The following CNIH4 variants were observed in gnomAD, a reference collection of about 807,000 sequenced individuals.
CNIH4 encodes protein cornichon homolog 4.
In CNIH4, 9 loss-of-function variants were observed where a neutral mutation model predicts 21.5. The ratio of observed to expected loss-of-function variants is 0.42; its 90% CI spans 0.25 to 0.73. The LOEUF is 0.73. Among genes scored for constraint, CNIH4 ranks in the 30% least tolerant of loss-of-function variants. The pLI is 0.27. For synonymous variants in CNIH4, 67 were observed against 59.1 expected, an observed-to-expected ratio of 1.13 and a Z score of -0.61; for missense variants, 159 against 170.0, an observed-to-expected ratio of 0.94 and a Z score of 0.36.
chr1:224,376,088 T>C lies in CNIH4; in HGVS notation c.*266T>C, dbSNP rs1038744978. On this transcript the variant is annotated 3_prime_UTR_variant, in exon 5 of 5. Coordinates refer to ENST00000465271, the MANE Select transcript of CNIH4 (RefSeq NM_014184.4). ...TCTGTATGTTGAAGGTGGTTATTTG[T>C]ATGTAGGAACAGGACTGCCATCCCA... The C allele has an allele frequency of 1.7e-5, 20 of 1,176,592 alleles. No individual in the cohort carries two copies. The highest frequency in any genetic ancestry group is 1.9e-5 in the Non-Finnish European group (18 of 950,330). 72.9% of individuals were successfully genotyped at this position (1,176,592 alleles called of 1,614,324 possible).
chr1:224,365,961 A>G lies in CNIH4; in HGVS notation c.221A>G (p.Asn74Ser), dbSNP rs1324936188. The G allele has an allele frequency of 3.1e-6, 5 of 1,608,916 alleles. No individual in the cohort carries two copies. The highest frequency in any genetic ancestry group is 2.2e-5 in the South Asian group (2 of 90,976). The change falls in exon 3 of 5, where the codon AAC becomes AGC. Residue 74 changes from asparagine to serine, a missense_variant. Transcript: ENST00000465271. ...TTGCACTGGTTCATCTTCCTTCTCA[A>G]CTTACCTGTTGCCACTTGGAATATA... ...MSLHWFIFLLNLPVATWNIYR... is the reference protein window; with the variant it reads ...MSLHWFIFLLSLPVATWNIYR...
Position 224,356,922 on chromosome 1 carries a change from A to T in CNIH4, c.-3A>T, listed in dbSNP as rs771248464. 3 of 1,607,836 alleles carry T rather than the reference A, an allele frequency of 1.9e-6. No homozygotes were observed. Among genetic ancestry groups the T allele is most frequent in the Non-Finnish European group, 2.5e-6 (3 of 1,177,100 alleles). On this transcript the variant is annotated 5_prime_UTR_variant, in exon 1 of 5. Coordinates refer to ENST00000465271, the MANE Select transcript of CNIH4 (RefSeq NM_014184.4). ...GAAGGAGCGGCGGCGACGGAGGAGG[A>T]GGATGGAGGCGGTGGTGTTCGTCTT...
intron 1 of CNIH4, among the ~76,000 whole-genome samples, chr1:224,359,034 G>A (rs1263913678): frequency 6.6e-6 from 1 of 152,202 alleles, no homozygotes; most frequent in Non-Finnish European, 1.5e-5. Context: ...TCAGACACTG[G>A]CAAGAGCGAA....
At chr1:224,364,434 T>A in intron 2 of CNIH4, 1 of 941,018 alleles carries the variant, frequency 1.1e-6, no homozygotes, top group Non-Finnish European at 1.3e-6. Flanking sequence ...TTTCATCTAA[T>A]TCTCTACAAC....
intron 2 of CNIH4, chr1:224,364,379 C>T (rs1237034441): frequency 2.0e-6 from 2 of 985,284 alleles, no homozygotes; most frequent in Non-Finnish European, 2.4e-6. Flanking sequence ...ATAACATCAG[C>T]TGACATTTTA....
chr1:224,368,330 C>CA (rs1195908942), intron 3 of CNIH4, among the ~76,000 whole-genome samples: 1 of 151,746 alleles, frequency 6.6e-6, no homozygotes, highest in Non-Finnish European at 1.5e-5. Flanking sequence ...GACCCAGCCT[C>CA]AAAAAAACAA....
Position 224,379,307 on chromosome 1 carries a change from T to A in CNIH4, c.*3485T>A. 1 of 580,314 alleles carries A rather than the reference T, an allele frequency of 1.7e-6. No individual in the cohort carries two copies. Among genetic ancestry groups the A allele is most frequent in the Non-Finnish European group, 3.1e-6 (1 of 323,714 alleles). The allele number at this position is 580,314 out of a possible 1,614,324, so 35.9% of individuals were successfully genotyped here. A position where few individuals can be genotyped will look rare whatever the true frequency, so the allele number is the denominator to read the frequency against. The stretch of plus-strand genomic sequence containing the variant: ...ACATTCTATCTGGTATTACAGTTAT[T>A]TGTATGCAATTAATCACTCTTAGAT... On this transcript the variant is annotated 3_prime_UTR_variant, in exon 5 of 5. Coordinates refer to ENST00000465271, the MANE Select transcript of CNIH4 (RefSeq NM_014184.4).
At chr1:224,357,630 GTTGT>G (rs1338044540) in intron 1 of CNIH4, 3 of 152,228 alleles carry the variant, frequency 2.0e-5, no homozygotes, top group African/African-American at 7.2e-5. Context: ...TTGGAAAGGA[GTTGT>G]TTTAACAACT....
intron 4 of CNIH4, among the ~76,000 whole-genome samples, chr1:224,373,327 C>A (rs1428704584): frequency 6.6e-6 from 1 of 152,094 alleles, no homozygotes; most frequent in East Asian, 1.9e-4. Flanking sequence ...TAAGGTTATC[C>A]TTTCTTCATC....
intron 2 of CNIH4, among the ~76,000 whole-genome samples, chr1:224,361,613 C>T (rs1268026083): frequency 6.6e-6 from 1 of 152,068 alleles, no homozygotes; most frequent in Non-Finnish European, 1.5e-5. Flanking sequence ...GGCAGAGTCT[C>T]ACTCTGTTGC....
chr1:224,364,066 A>C, intron 2 of CNIH4: 1 of 985,400 alleles, frequency 1.0e-6, no homozygotes, highest in Non-Finnish European at 1.2e-6. Context: ...TCAGTAAACC[A>C]AGCATAATAA....
chr1:224,373,119 C>T (rs1024534588), intron 4 of CNIH4, among the ~76,000 whole-genome samples: 1 of 152,158 alleles, frequency 6.6e-6, no homozygotes, highest in Non-Finnish European at 1.5e-5. Flanking sequence ...TTCTGATTCT[C>T]ATACCCTACC....
intron 4 of CNIH4, 137 bp downstream of exon 4, chr1:224,371,560 AT>A: frequency 1.2e-6 from 1 of 820,410 alleles, no homozygotes; most frequent in Non-Finnish European, 1.9e-6. Flanking sequence ...TGTGTAGATT[AT>A]TTATGTATGT....
chr1:224,364,514 C>A, intron 2 of CNIH4: 1 of 333,672 alleles, frequency 3.0e-6, no homozygotes, highest in Non-Finnish European at 4.3e-6. Context: ...GGTAACTTTT[C>A]CCAAGATTGC....
chr1:224,356,864 G>C (rs893163232), upstream of CNIH4: 28 of 1,434,410 alleles, frequency 2.0e-5, no homozygotes, highest in Non-Finnish European at 2.7e-5. Flanking sequence ...GGGCCTATCA[G>C]GGGTGGGTCG....
chr1:224,374,166 A>C (rs1190738536), intron 4 of CNIH4, among the ~76,000 whole-genome samples: 1 of 152,196 alleles, frequency 6.6e-6, no homozygotes, highest in African/African-American at 2.4e-5. Context: ...ATTACTACCA[A>C]GTCATTAGCT....
intron 2 of CNIH4, 130 bp from the exon 3 acceptor site, chr1:224,365,749 G>T: frequency 1.5e-6 from 1 of 686,542 alleles, no homozygotes; most frequent in East Asian, 2.6e-5. Context: ...TCTGGGACAT[G>T]GGAGTCTAAA....
Position 224,377,374 on chromosome 1 carries a change from C to G in CNIH4, c.*1552C>G, listed in dbSNP as rs1273631315. ...ACAGTCCCTTCACTCTGCCTTTCCTCCTAACTTCCTGTGCCTCTTCATGTT... is the reference window on the plus strand; with the variant it reads ...ACAGTCCCTTCACTCTGCCTTTCCTGCTAACTTCCTGTGCCTCTTCATGTT... On this transcript the variant is annotated 3_prime_UTR_variant, in exon 5 of 5. Transcript: ENST00000465271. The G allele has an allele frequency of 6.6e-6, 1 of 152,232 alleles. No homozygotes were observed. The highest frequency in any genetic ancestry group is 1.5e-5 in the Non-Finnish European group (1 of 68,042). 9.4% of individuals were successfully genotyped at this position (152,232 alleles called of 1,614,324 possible).
intron 3 of CNIH4, among the ~76,000 whole-genome samples, chr1:224,368,941 C>G (rs1337250781): frequency 6.7e-6 from 1 of 149,982 alleles, no homozygotes; most frequent in Admixed American, 6.7e-5. Flanking sequence ...AAAAAAATAC[C>G]AAAAACTGTC....
Sources: allele counts gnomAD v4.1 joint callset (sites outside exome capture counted in the v4.1 genomes callset), GRCh38; gene constraint gnomAD v4.1.1; transcripts MANE v1.5; gene names NCBI Gene and HGNC (gene_info 2026-07-23, HGNC 2026-07-21).